Variants in DDX10 observed in about 807,000 individuals in gnomAD.
The protein encoded by DDX10 is DEAD-box helicase 10.
In DDX10, 74 loss-of-function variants were observed where a neutral mutation model predicts 104.3. The ratio of observed to expected loss-of-function variants is 0.71; its 90% CI spans 0.59 to 0.86. The LOEUF is 0.86. Ranked by LOEUF, DDX10 falls within the 40% of genes least tolerant of loss-of-function variation. The pLI, the probability that DDX10 is intolerant of heterozygous loss-of-function variation, is 0.00. For synonymous variants in DDX10, 351 were observed against 353.4 expected (o/e 0.99, Z 0.08); for missense variants, 952 against 1,040.0 (o/e 0.92, Z 1.16).
intron 13 of DDX10, among the ~76,000 whole-genome samples, chr11:108,791,748 A>C (rs796726548): frequency 8.5e-5 from 13 of 152,298 alleles, no homozygotes; most frequent in African/African-American, 3.1e-4. Context: ...ACTTGCTATG[A>C]AGATTCATGT....
chr11:108,710,116 A>T (rs1480030827), intron 10 of DDX10, among the ~76,000 whole-genome samples: 1 of 152,208 alleles, frequency 6.6e-6, no homozygotes, highest in East Asian at 1.9e-4. Flanking sequence ...TAAAAGATAA[A>T]AAGCATACCT....
chr11:108,896,891 A>C (rs1863449142), intron 16 of DDX10, among the ~76,000 whole-genome samples: 1 of 152,076 alleles, frequency 6.6e-6, no homozygotes, highest in African/African-American at 2.4e-5. Context: ...CTGTAGAGAA[A>C]TAGGATCCAA....
At chr11:108,926,425 A>T (rs1863909855) in intron 17 of DDX10, among the ~76,000 whole-genome samples, 1 of 152,230 alleles carries the variant, frequency 6.6e-6, no homozygotes, top group African/African-American at 2.4e-5. Context: ...TATGATGTGC[A>T]GTCTTCTGCC....
chr11:108,867,374 G>A (rs749940421), intron 16 of DDX10, among the ~76,000 whole-genome samples: 1 of 152,174 alleles, frequency 6.6e-6, no homozygotes, highest in Non-Finnish European at 1.5e-5. Flanking sequence ...TTTGAACTTT[G>A]AAGAGTAAGC....
At chr11:108,876,546 A>G (rs1344026392) in intron 16 of DDX10, among the ~76,000 whole-genome samples, 1 of 152,200 alleles carries the variant, frequency 6.6e-6, no homozygotes, top group Non-Finnish European at 1.5e-5. Flanking sequence ...GACTTTTGAG[A>G]CACATAGACC....
chr11:108,838,612 A>T, intron 14 of DDX10, 47 bp downstream of exon 14: 1 of 1,561,372 alleles, frequency 6.4e-7, no homozygotes, highest in Non-Finnish European at 8.7e-7. Context: ...TTGGAGTATT[A>T]GAAGAGATCG....
At chr11:108,691,188 T>C (rs1400676147) in intron 7 of DDX10, among the ~76,000 whole-genome samples, 2 of 152,234 alleles carry the variant, frequency 1.3e-5, no homozygotes, top group Admixed American at 6.5e-5. Context: ...TCTTTCTCTT[T>C]AATTGAGCGA....
At chr11:108,826,734 A>C (rs1453017546) in intron 13 of DDX10, among the ~76,000 whole-genome samples, 1 of 152,178 alleles carries the variant, frequency 6.6e-6, no homozygotes, top group East Asian at 1.9e-4. Context: ...TCACATCCGC[A>C]TGCATCTTCC....
intron 13 of DDX10, among the ~76,000 whole-genome samples, chr11:108,799,593 A>C (rs994511127): frequency 6.6e-6 from 1 of 152,188 alleles, no homozygotes; most frequent in Non-Finnish European, 1.5e-5. Context: ...ATGACCTTCA[A>C]TGGTTGCTTT....
At chr11:108,738,499 A>G (rs2094321031) in intron 13 of DDX10, among the ~76,000 whole-genome samples, 1 of 152,086 alleles carries the variant, frequency 6.6e-6, no homozygotes, top group Non-Finnish European at 1.5e-5. Flanking sequence ...ATATTTTATT[A>G]TCCAAGAATA....
intron 16 of DDX10, among the ~76,000 whole-genome samples, chr11:108,883,413 C>G (rs1214046877): frequency 6.6e-6 from 1 of 152,152 alleles, no homozygotes; most frequent in Non-Finnish European, 1.5e-5. Context: ...GCCAGCCTCT[C>G]TATTTGGTTG....
intron 17 of DDX10, chr11:108,919,364 G>A (rs1863793362): frequency 1.3e-5 from 2 of 152,170 alleles, no homozygotes; most frequent in South Asian, 2.1e-4. Flanking sequence ...AATAATTTAG[G>A]TTCTGGGCAT....
chr11:108,723,312 A>G lies in DDX10; in HGVS notation c.1815A>G (p.Pro605=). Residue 605 remains proline (P), a synonymous_variant, in exon 13 of 18, where the codon CCA becomes CCG. Coordinates refer to ENST00000322536, the MANE Select transcript of DDX10 (RefSeq NM_004398.4). Reference sequence around the variant, plus strand: ...CAAAAGCAAAAGGATCTCAAGCCCCATCTCTTCCTAACACCAGTGAGGCAC... The same window carrying G: ...CAAAAGCAAAAGGATCTCAAGCCCCGTCTCTTCCTAACACCAGTGAGGCAC... ...KLAKAKGSQA[P]SLPNTSEAQK... 1.2e-6 allele frequency: 2 copies of G among 1,613,958 alleles called. No homozygotes were observed. Among genetic ancestry groups the G allele is most frequent in the Admixed American group, 1.7e-5 (1 of 59,958 alleles).
At chr11:108,787,794 G>A (rs1295570190) in intron 13 of DDX10, among the ~76,000 whole-genome samples, 1 of 152,098 alleles carries the variant, frequency 6.6e-6, no homozygotes, top group Non-Finnish European at 1.5e-5. Flanking sequence ...GCTGGGCGTG[G>A]TGGTGCATGC....
intron 6 of DDX10, among the ~76,000 whole-genome samples, chr11:108,684,546 C>T (rs989760722): frequency 1.6e-4 from 24 of 148,990 alleles, no homozygotes; most frequent in African/African-American, 5.9e-4. Flanking sequence ...GTTTTTATGG[C>T]TGCATAGTAT....
chr11:108,873,112 G>GC (rs1450622402), intron 16 of DDX10, among the ~76,000 whole-genome samples: 3 of 152,130 alleles, frequency 2.0e-5, no homozygotes, highest in Non-Finnish European at 4.4e-5. Context: ...ATGAATCAGT[G>GC]CAAGATCAGC....
At chr11:108,921,002 G>A (rs1322990897) in intron 17 of DDX10, 1 of 152,190 alleles carries the variant, frequency 6.6e-6, no homozygotes, top group Non-Finnish European at 1.5e-5. Context: ...AGTCAGAGTA[G>A]GTTTTTTCTC....
At chr11:108,903,541 A>T (rs1863546806) in intron 16 of DDX10, among the ~76,000 whole-genome samples, 2 of 152,212 alleles carry the variant, frequency 1.3e-5, no homozygotes, top group African/African-American at 4.8e-5. Flanking sequence ...TTTCCTAAAC[A>T]ATACAGTGTA....
intron 14 of DDX10, among the ~76,000 whole-genome samples, chr11:108,839,226 G>A (rs1445383304): frequency 1.3e-5 from 2 of 152,140 alleles, no homozygotes. Context: ...AGTAGGTAGG[G>A]TCTTTTGAAT....
Sources: gnomAD v4.1 joint callset for allele counts (sites outside exome capture counted in the v4.1 genomes callset) on GRCh38, gnomAD v4.1.1 for gene constraint, MANE v1.5 for transcripts, NCBI Gene and HGNC (gene_info 2026-07-23, HGNC 2026-07-21) for gene names.